PUDP: variants seen among roughly 807,000 people sequenced by gnomAD.
The protein encoded by PUDP is pseudouridine-5'-phosphatase.
A neutral mutation model predicts 9.4 loss-of-function variants in PUDP; 8 were observed. The ratio of observed to expected loss-of-function variants is 0.85; its 90% CI spans 0.50 to 1.53. The LOEUF (loss-of-function observed/expected upper bound fraction) is 1.53, where lower values mean the gene tolerates loss of function less well. PUDP is among the 40% of genes most tolerant of loss of function. The probability of loss-of-function intolerance (pLI) is 0.00; values close to 1 mark genes in which losing one functional copy is unlikely to be tolerated. For synonymous variants in PUDP, 99 were observed against 80.7 expected, an observed-to-expected ratio of 1.23 and a Z score of -1.22; for missense variants, 188 against 189.7, an observed-to-expected ratio of 0.99 and a Z score of 0.05.
At chrX:6,885,011 A>G (rs1458491544) in intron 3 of PUDP, among the ~76,000 whole-genome samples, 1 of 111,978 alleles carries the variant, frequency 8.9e-6, no homozygotes, top group Non-Finnish European at 1.9e-5. Flanking sequence ...AGTTGGTGAT[A>G]GCATGAAAAT....
chrX:6,922,811 C>T (rs1189681009), intron 3 of PUDP, among the ~76,000 whole-genome samples: 1 of 112,304 alleles, frequency 8.9e-6, no homozygotes, highest in Non-Finnish European at 1.9e-5. Context: ...CTACTGGATC[C>T]ATTCCAAACA....
intron 3 of PUDP, among the ~76,000 whole-genome samples, chrX:6,892,418 A>G (rs968173822): frequency 1.6e-4 from 18 of 111,121 alleles, no homozygotes; most frequent in Admixed American, 1.9e-4. Flanking sequence ...GAGGCCTCAC[A>G]ATCATGGTGG....
At chrX:6,933,514 A>G (rs1298259334) in intron 3 of PUDP, among the ~76,000 whole-genome samples, 20 of 110,042 alleles carry the variant, frequency 1.8e-4, no homozygotes, top group African/African-American at 5.6e-4. Context: ...CCAAAAGTAG[A>G]TAAAACCACA....
intron 3 of PUDP, among the ~76,000 whole-genome samples, chrX:6,932,506 C>T (rs1027614099): frequency 8.9e-6 from 1 of 111,884 alleles, no homozygotes; most frequent in Non-Finnish European, 1.9e-5. Flanking sequence ...GATGGCCGAA[C>T]AGGAACAGCT....
intron 1 of PUDP, chrX:7,147,845 C>T (rs1932904600): frequency 1.9e-5 from 3 of 158,152 alleles, no homozygotes. Context: ...CGGCCACGCG[C>T]GCCCGCCAGC....
intron 3 of PUDP, among the ~76,000 whole-genome samples, chrX:6,774,612 G>A (rs1440984834): frequency 5.4e-5 from 6 of 111,788 alleles, no homozygotes; most frequent in African/African-American, 2.0e-4. Flanking sequence ...TCTCAGTTAC[G>A]AGGTCAAGGG....
At chrX:6,797,519 G>A (rs1054275624) in intron 3 of PUDP, among the ~76,000 whole-genome samples, 1 of 111,575 alleles carries the variant, frequency 9.0e-6, no homozygotes, top group South Asian at 3.8e-4. Flanking sequence ...ATCTTGTAAG[G>A]ACACTTAAGC....
At chrX:6,886,468 A>G (rs1466333696) in intron 3 of PUDP, among the ~76,000 whole-genome samples, 1 of 112,359 alleles carries the variant, frequency 8.9e-6, no homozygotes, top group Non-Finnish European at 1.9e-5. Flanking sequence ...CATTTATAAC[A>G]GGTACTCATG....
intron 1 of PUDP, among the ~76,000 whole-genome samples, chrX:7,042,764 T>C (rs1929939383): frequency 8.9e-6 from 1 of 111,771 alleles, no homozygotes; most frequent in Non-Finnish European, 1.9e-5. Context: ...TCACCTTCCA[T>C]GCCATTTCTG....
chrX:7,109,651 C>A (rs1435746735), intron 1 of PUDP, among the ~76,000 whole-genome samples: 1 of 112,307 alleles, frequency 8.9e-6, no homozygotes, highest in African/African-American at 3.2e-5. Flanking sequence ...ATAAAATAAT[C>A]CTAAATCCGT....
At chrX:6,791,994 A>G (rs996051858) in intron 3 of PUDP, among the ~76,000 whole-genome samples, 2 of 111,535 alleles carry the variant, frequency 1.8e-5, no homozygotes, top group African/African-American at 3.3e-5. Context: ...AATAATGGAG[A>G]GAATGTCATG....
chrX:6,979,984 G>T (rs1417747124), intron 1 of PUDP, among the ~76,000 whole-genome samples: 6 of 110,672 alleles, frequency 5.4e-5, no homozygotes, highest in African/African-American at 1.3e-4. Flanking sequence ...ACATGTGCAG[G>T]TTTGTTACTT....
At chrX:7,057,920 G>T in intron 3 of PUDP, 2 of 569,179 alleles carry the variant, frequency 3.5e-6, no homozygotes, top group Non-Finnish European at 5.6e-6. Flanking sequence ...CGCGGCTTGT[G>T]ATGCTCTCGT....
intron 1 of PUDP, among the ~76,000 whole-genome samples, chrX:7,147,643 G>A (rs1016443451): frequency 2.7e-5 from 3 of 112,247 alleles, no homozygotes; most frequent in Non-Finnish European, 3.8e-5. Flanking sequence ...GGGAAGCTGA[G>A]GCTGGGCACC....
intron 3 of PUDP, among the ~76,000 whole-genome samples, chrX:6,790,963 T>C (rs1428352580): frequency 8.9e-6 from 1 of 112,028 alleles, no homozygotes; most frequent in Non-Finnish European, 1.9e-5. Context: ...AAATATAAGC[T>C]TGGTGGAAAT....
chrX:7,069,182 G>T (rs1232448109), intron 3 of PUDP, among the ~76,000 whole-genome samples: 2 of 111,843 alleles, frequency 1.8e-5, no homozygotes, highest in Non-Finnish European at 3.8e-5. Context: ...GGGAGACGTT[G>T]CAGAGGAGCG....
At chrX:7,105,892 T>C (rs1931869257) in intron 1 of PUDP, 54 bp from the exon 2 acceptor site, 1 of 839,206 alleles carries the variant, frequency 1.2e-6, no homozygotes, top group Admixed American at 3.0e-5. Context: ...AACAGTAAGT[T>C]TGTATCAGGT....
chrX:7,018,958 C>T (rs1412070372), intron 1 of PUDP, among the ~76,000 whole-genome samples: 3 of 112,483 alleles, frequency 2.7e-5, no homozygotes. Context: ...CCTAATTTTG[C>T]TTTAAGATAA....
At chrX:7,006,075 A>G (rs1929398161) in intron 1 of PUDP, among the ~76,000 whole-genome samples, 1 of 112,276 alleles carries the variant, frequency 8.9e-6, no homozygotes. Flanking sequence ...TTATCCATTA[A>G]TCTATCCATG....
Sources: gnomAD v4.1 joint callset for allele counts (sites outside exome capture counted in the v4.1 genomes callset) on GRCh38, gnomAD v4.1.1 for gene constraint, MANE v1.5 for transcripts, NCBI Gene and HGNC (gene_info 2026-07-23, HGNC 2026-07-21) for gene names.